The following RCOR1 variants were observed in gnomAD, a reference collection of about 807,000 sequenced individuals.
The protein encoded by RCOR1 is REST corepressor 1, also known as REST corepressor.
A neutral mutation model predicts 64.0 loss-of-function variants in RCOR1; 12 were observed. The ratio of observed to expected loss-of-function variants is 0.19; its 90% CI spans 0.12 to 0.30. The LOEUF (loss-of-function observed/expected upper bound fraction) is 0.30, where lower values mean the gene tolerates loss of function less well. RCOR1 is among the 10% of genes least tolerant of loss of function. The pLI, the probability that RCOR1 is intolerant of heterozygous loss-of-function variation, is 1.00. For synonymous variants in RCOR1, 279 were observed against 227.2 expected, an observed-to-expected ratio of 1.23 and a Z score of -2.05; for missense variants, 502 against 621.2, an observed-to-expected ratio of 0.81 and a Z score of 2.04.
chr14:102,665,311 C>CTT (rs35214723), intron 2 of RCOR1, among the ~76,000 whole-genome samples: 10,487 of 131,782 alleles, frequency 0.08, 500 homozygotes, highest in Middle Eastern at 0.15. Context: ...GGCCTCAACA[C>CTT]TTTTTTTTTT....
intron 4 of RCOR1, among the ~76,000 whole-genome samples, chr14:102,705,817 CTA>C (rs985755552): frequency 6.6e-6 from 1 of 151,892 alleles, no homozygotes; most frequent in African/African-American, 2.4e-5. Flanking sequence ...AAATCTTTCA[CTA>C]TAAATAATCA....
Position 102,593,308 on chromosome 14 carries a change from T to C in RCOR1, c.344T>C (p.Val115Ala), listed in dbSNP as rs1287484230. The C allele has an allele frequency of 8.4e-6, 13 of 1,547,786 alleles. No homozygotes were observed. The highest frequency in any genetic ancestry group is 2.6e-5 in the East Asian group (1 of 38,114). Reference protein sequence around the residue: ...MRVGPQYQAVVPDFDPAKLAR... With the variant: ...MRVGPQYQAVAPDFDPAKLAR... ...GTCGGACCCCAGTACCAGGCGGTGG[T>C]GCCCGACTTCGACCCCGGTGAGTAG... Residue 115 changes from valine (V) to alanine (A), a missense_variant, in exon 2 of 12, where the codon GTG becomes GCG. By Grantham distance (64) the Val-to-Ala change is moderately conservative. Coordinates refer to ENST00000262241, the MANE Select transcript of RCOR1 (RefSeq NM_015156.4).
rs960517128 is a variant in RCOR1, at chr14:102,641,972, T to TA, written c.362-39916dup. On this transcript the variant is annotated intron_variant, in intron 2 of 11. Transcript: ENST00000262241. ...TGAGCAGCACTGAATCTGCATGTAT[T>TA]AAAAAAACTTGCATCATTTCTGGAT... Among the ~76,000 whole-genome samples the TA allele has an allele frequency of 7.0e-4, 106 of 152,298 alleles. 1 individual carries two copies. Among genetic ancestry groups the TA allele is most frequent in the Middle Eastern group, 6.8e-3 (2 of 294 alleles).
At chr14:102,708,851 AAAAG>A (rs1318440027) in intron 6 of RCOR1, among the ~76,000 whole-genome samples, 1 of 152,216 alleles carries the variant, frequency 6.6e-6, no homozygotes, top group East Asian at 1.9e-4. Flanking sequence ...CTTTTAATAA[AAAAG>A]AATCTTTTAT....
rs1372012955 is a variant in RCOR1, at chr14:102,721,339, C to T, written c.1151C>T (p.Ala384Val). ...RLPEVIQKCN[A>V]RWTTEEQLLA... The stretch of plus-strand genomic sequence containing the variant: ...ATCCAGGTCATTCAGAAATGTAATG[C>T]ACGTTGGACTACAGAAGAGCAGCTT... The change falls in exon 10 of 12, where the codon GCA becomes GTA. Residue 384 changes from alanine (A) to valine (V), a missense_variant. Around this residue, in one of 2 missense-constraint regions of RCOR1, gnomAD observed 260 missense variants for 416.4 expected, o/e 0.62. Coordinates refer to ENST00000262241, the MANE Select transcript of RCOR1 (RefSeq NM_015156.4). 1.2e-6 allele frequency: 2 copies of T among 1,613,194 alleles called. No homozygotes were observed. The highest frequency in any genetic ancestry group is 1.3e-5 in the African/African-American group (1 of 74,862).
At chr14:102,682,656 C>G (rs1349606898) in intron 3 of RCOR1, among the ~76,000 whole-genome samples, 2 of 152,150 alleles carry the variant, frequency 1.3e-5, no homozygotes, top group African/African-American at 2.4e-5. Context: ...CTCCTGTTGT[C>G]CTTCTAAGTG....
At chr14:102,652,553 T>C (rs1043764447) in intron 2 of RCOR1, among the ~76,000 whole-genome samples, 47 of 152,182 alleles carry the variant, frequency 3.1e-4, no homozygotes, top group African/African-American at 1.1e-3. Flanking sequence ...TTCTGAACAG[T>C]TCCCTTCAAA....
chr14:102,653,979 CTTTCTTT>C (rs1567423449), intron 2 of RCOR1, among the ~76,000 whole-genome samples: 7 of 22,070 alleles, frequency 3.2e-4, no homozygotes, highest in Non-Finnish European at 5.5e-4. Context: ...TTCTTTCTTT[CTTTCTTT>C]TTTTTTTTTT....
chr14:102,722,926 G>A, intron 11 of RCOR1, among the ~76,000 whole-genome samples: 1 of 152,182 alleles, frequency 6.6e-6, no homozygotes, highest in Non-Finnish European at 1.5e-5. Flanking sequence ...AAGTATTGAT[G>A]GGGACAGTTC....
At chr14:102,675,492 T>G (rs1400843229) in intron 2 of RCOR1, among the ~76,000 whole-genome samples, 1 of 152,190 alleles carries the variant, frequency 6.6e-6, no homozygotes, top group Non-Finnish European at 1.5e-5. Context: ...ACAGGGGACT[T>G]GAACACAAAT....
At chr14:102,707,245 T>C in intron 4 of RCOR1, 106 bp from the exon 5 acceptor site, 1 of 904,846 alleles carries the variant, frequency 1.1e-6, no homozygotes, top group Non-Finnish European at 1.7e-6. Context: ...GTAGATGAGT[T>C]AGTTTGTCTA....
intron 2 of RCOR1, among the ~76,000 whole-genome samples, chr14:102,609,124 C>A (rs1893576063): frequency 6.8e-6 from 1 of 148,030 alleles, no homozygotes; most frequent in Admixed American, 6.9e-5. Context: ...CAGCTCACTG[C>A]AACCTCTGCC....
intron 3 of RCOR1, among the ~76,000 whole-genome samples, chr14:102,698,504 C>T (rs1250461348): frequency 2.6e-5 from 4 of 152,220 alleles, no homozygotes; most frequent in African/African-American, 9.7e-5. Context: ...TTGAGATTTA[C>T]AGCAGAAGCT....
chr14:102,653,983 C>CTTTCTTTCT (rs1334055763), intron 2 of RCOR1, among the ~76,000 whole-genome samples: 97 of 33,152 alleles, frequency 2.9e-3, no homozygotes, highest in Non-Finnish European at 3.0e-3. Flanking sequence ...TTCTTTCTTT[C>CTTTCTTTCT]TTTTTTTTTT....
intron 8 of RCOR1, among the ~76,000 whole-genome samples, chr14:102,715,226 G>A (rs1478919213): frequency 1.3e-5 from 2 of 151,386 alleles, no homozygotes; most frequent in Middle Eastern, 3.4e-3. Flanking sequence ...CCACCACCAC[G>A]CCCAGCTAAT....
At chr14:102,621,233 G>A (rs919627111) in intron 2 of RCOR1, among the ~76,000 whole-genome samples, 3 of 151,548 alleles carry the variant, frequency 2.0e-5, no homozygotes, top group Non-Finnish European at 4.4e-5. Flanking sequence ...TGGCCTCCCA[G>A]TATGCTGGGA....
chr14:102,595,951 G>A (rs1358483873), intron 2 of RCOR1, among the ~76,000 whole-genome samples: 1 of 152,036 alleles, frequency 6.6e-6, no homozygotes, highest in Non-Finnish European at 1.5e-5. Flanking sequence ...TTCAAACCTT[G>A]TTTTGCCAAC....
intron 2 of RCOR1, among the ~76,000 whole-genome samples, chr14:102,650,524 C>G (rs1478790328): frequency 6.6e-6 from 1 of 152,194 alleles, no homozygotes; most frequent in African/African-American, 2.4e-5. Flanking sequence ...CACACACATT[C>G]TACAAACCTC....
chr14:102,658,581 C>T, intron 2 of RCOR1: 1 of 985,392 alleles, frequency 1.0e-6, no homozygotes, highest in Non-Finnish European at 1.2e-6. Flanking sequence ...TGGCTACCTA[C>T]CTACCCCCCA....
Sources: allele counts gnomAD v4.1 joint callset (sites outside exome capture counted in the v4.1 genomes callset), GRCh38; gene constraint gnomAD v4.1.1; regional missense constraint gnomAD v4.1.1; transcripts MANE v1.5; gene names NCBI Gene and HGNC (gene_info 2026-07-23, HGNC 2026-07-21).